LSM4: variants seen among roughly 807,000 people sequenced by gnomAD.
The protein encoded by LSM4 is LSM4 homolog, U6 small nuclear RNA and mRNA degradation associated.
Under a neutral mutation model 22.3 loss-of-function variants are expected in LSM4, and 15 were observed. The observed-to-expected ratio is 0.67, with a 90% CI of 0.45 to 1.03. LSM4 has a LOEUF of 1.03. LSM4 is among the 50% of genes least tolerant of loss of function. The pLI is 0.00. For synonymous variants in LSM4, 90 were observed against 79.8 expected, an observed-to-expected ratio of 1.13 and a Z score of -0.68; for missense variants, 127 against 198.0, an observed-to-expected ratio of 0.64 and a Z score of 2.15.
Position 18,307,546 on chromosome 19 carries a change from C to G in LSM4, c.338G>C (p.Gly113Ala). Residue 113 changes from glycine (G) to alanine (A), a missense_variant, in exon 5 of 5, where the codon GGT (glycine) becomes GCT (alanine). Gly to Ala is a moderately conservative substitution (Grantham distance 60). Transcript: ENST00000593829. ...CGGGATCCCACCTCGGCCCCGGCCA[C>G]CAAACACACCTAGAGGACAGAGAGA... The part of the protein sequence containing the change: ...GMGGAGRGVF[G>A]GRGRGGIPGT... 1 of 1,540,138 alleles carries G rather than the reference C, an allele frequency of 6.5e-7. No individual in the cohort carries two copies. The highest frequency in any genetic ancestry group is 2.5e-5 in the East Asian group (1 of 39,518).
chr19:18,317,170 C>T lies in LSM4; in HGVS notation c.4-1105G>A, dbSNP rs561834370. On this transcript the variant is annotated intron_variant, in intron 1 of 4. Coordinates refer to ENST00000593829, the MANE Select transcript of LSM4 (RefSeq NM_012321.5). ...CAAATAGCTGGGATTATTAGGGGTG[C>T]ACCACCATGCCCAGCTAATTTTTGT... is the stretch of plus-strand genomic sequence containing the variant. 8.6e-5 allele frequency among the ~76,000 whole-genome samples: 13 copies of T among 151,284 alleles called. No individual in the cohort carries two copies. In the East Asian group the frequency reaches 1.2e-3, roughly 14 times the overall value.
intron 1 of LSM4, among the ~76,000 whole-genome samples, chr19:18,320,696 G>A (rs1027125754): frequency 2.6e-5 from 4 of 152,128 alleles, no homozygotes; most frequent in Non-Finnish European, 4.4e-5. Context: ...CTACTTGGGA[G>A]GCTGAGGTAG....
At chr19:18,308,419 A>G (rs1445145470) in intron 4 of LSM4, among the ~76,000 whole-genome samples, 1 of 152,230 alleles carries the variant, frequency 6.6e-6, no homozygotes, top group Admixed American at 6.5e-5. Context: ...GAGCCGTTTC[A>G]GAGAACTTTC....
At chr19:18,317,316 C>G (rs936613880) in intron 1 of LSM4, among the ~76,000 whole-genome samples, 1 of 149,786 alleles carries the variant, frequency 6.7e-6, no homozygotes, top group South Asian at 2.2e-4. Context: ...GCCATCACCC[C>G]CCGCCTGAAC....
At chr19:18,317,880 T>C (rs1970376836) in intron 1 of LSM4, among the ~76,000 whole-genome samples, 1 of 152,200 alleles carries the variant, frequency 6.6e-6, no homozygotes, top group Non-Finnish European at 1.5e-5. Context: ...ATGTCAAATA[T>C]GTAGTATTTC....
chr19:18,322,886 CG>C, intron 1 of LSM4, 131 bp downstream of exon 1: 8 of 1,334,512 alleles, frequency 6.0e-6, no homozygotes, highest in Admixed American at 4.0e-5. Flanking sequence ...AGCCTCGTGC[CG>C]GGGGGCGGGA....
chr19:18,318,306 C>G (rs1473852279), intron 1 of LSM4, among the ~76,000 whole-genome samples: 1 of 152,268 alleles, frequency 6.6e-6, no homozygotes, highest in Non-Finnish European at 1.5e-5. Flanking sequence ...CTACATCCCA[C>G]AGCCCCTTCC....
chr19:18,316,043 G>A lies in LSM4; in HGVS notation c.26C>T (p.Thr9Met), dbSNP rs1354802386. 1.9e-6 allele frequency: 3 copies of A among 1,613,548 alleles called. No homozygotes were observed. Among genetic ancestry groups the A allele is most frequent in the Non-Finnish European group, 8.5e-7 (1 of 1,179,716 alleles). Reference sequence around the variant, plus strand: ...ACTCACCATGGGGTGATTCTGAGCCGTCTTCAGCAGTGACAAGGGAAGCTG... The same window carrying A: ...ACTCACCATGGGGTGATTCTGAGCCATCTTCAGCAGTGACAAGGGAAGCTG... MLPLSLLK[T>M]AQNHPMLVEL... Residue 9 changes from threonine to methionine, a missense_variant, in exon 2 of 5, where the codon ACG (threonine) becomes ATG (methionine). Coordinates refer to ENST00000593829, the MANE Select transcript of LSM4 (RefSeq NM_012321.5).
At chr19:18,310,820 C>T (rs1003398146) in intron 3 of LSM4, among the ~76,000 whole-genome samples, 15 of 152,230 alleles carry the variant, frequency 9.9e-5, no homozygotes, top group African/African-American at 2.7e-4. Context: ...GATCCTGCCC[C>T]GCCCTGGCGG....
chr19:18,307,452 C>A lies in LSM4; in HGVS notation c.*12G>T. 1 of 1,519,030 alleles carries A rather than the reference C, an allele frequency of 6.6e-7. No individual in the cohort carries two copies. The allele number at this position is 1,519,030 out of a possible 1,614,324, so 94.1% of individuals were successfully genotyped here. The stretch of plus-strand genomic sequence containing the variant: ...GGCAGGAGGGGGCGCAGCAGCCGGT[C>A]TGGGTGGGCGCTCACTGTTTGCCCG... On this transcript the variant is annotated 3_prime_UTR_variant, in exon 5 of 5. Coordinates refer to ENST00000593829, the MANE Select transcript of LSM4 (RefSeq NM_012321.5).
In LSM4 at chr19:18,307,453, TG is replaced by T; in HGVS notation, c.*10del. On this transcript the variant is annotated 3_prime_UTR_variant, in exon 5 of 5. Coordinates refer to ENST00000593829, the MANE Select transcript of LSM4 (RefSeq NM_012321.5). ...GCAGGAGGGGGCGCAGCAGCCGGTC[TG>T]GGTGGGCGCTCACTGTTTGCCCGCC... 1 of 1,520,266 alleles carries T rather than the reference TG, an allele frequency of 6.6e-7. No homozygotes were observed. 94.2% of individuals were successfully genotyped at this position (1,520,266 alleles called of 1,614,324 possible). A position where few individuals can be genotyped will look rare whatever the true frequency, so the allele number is the denominator to read the frequency against.
rs1372902193 is a variant in LSM4 at position 18,307,648 on chromosome 19, A to C, written c.329-93T>G. 5 of 889,104 alleles carry C rather than the reference A, an allele frequency of 5.6e-6. No individual in the cohort carries two copies. In the African/African-American group the frequency reaches 8.8e-5, roughly 16 times the overall value. 55.1% of individuals were successfully genotyped at this position (889,104 alleles called of 1,614,324 possible). On this transcript the variant is annotated intron_variant, in intron 4 of 4. Transcript: ENST00000593829. ...CCTGAAACTCTAGGCCAGGTCACCT[A>C]AGTCTCCAGCCTCAGCTTCCTCATG...
At position 18,312,706 on chromosome 19, in the gene LSM4, G is replaced by A. The variant is rs768169491; in HGVS notation, c.46-4C>T. On this transcript the variant is annotated splice_polypyrimidine_tract_variant and splice_region_variant and intron_variant, in intron 2 of 4. Transcript: ENST00000593829. ...CCCCATTTTTCAGCTCCACCAACTA[G>A]AAGAGAGACAGGCTAGAGGTTGGCT... 2.5e-6 allele frequency: 4 copies of A among 1,610,350 alleles called. No individual in the cohort carries two copies. The South Asian group carries it at 4.4e-5, about 18-fold the overall frequency.
chr19:18,306,320 G>A lies in LSM4; in HGVS notation c.*1144C>T, dbSNP rs545010627. On this transcript the variant is annotated 3_prime_UTR_variant, in exon 5 of 5. Coordinates refer to ENST00000593829, the MANE Select transcript of LSM4 (RefSeq NM_012321.5). ...ACCCTGAAGAGAAGGCTATGCAGGG[G>A]GACGGGCCGCTGCCTGGCTCAGGGC... 6.6e-6 allele frequency: 1 copy of A among 152,180 alleles called. No homozygotes were observed. Among genetic ancestry groups the A allele is most frequent in the Non-Finnish European group, 1.5e-5 (1 of 68,038 alleles). 9.4% of individuals were successfully genotyped at this position (152,180 alleles called of 1,614,324 possible).
At chr19:18,314,907 T>C (rs1272943226) in intron 2 of LSM4, among the ~76,000 whole-genome samples, 1 of 151,322 alleles carries the variant, frequency 6.6e-6, no homozygotes, top group Non-Finnish European at 1.5e-5. Context: ...TTTTTTGAGA[T>C]GGAGTCTCGC....
At chr19:18,316,229 A>G in intron 1 of LSM4, 164 bp from the exon 2 acceptor site, 1 of 586,192 alleles carries the variant, frequency 1.7e-6, no homozygotes, top group Middle Eastern at 4.4e-4. Context: ...CACTCTGCCC[A>G]GCCCTGGAAC....
chr19:18,315,987 C>T (rs1034890356), intron 2 of LSM4, 37 bp downstream of exon 2: 1 of 1,607,648 alleles, frequency 6.2e-7, no homozygotes, highest in Non-Finnish European at 8.5e-7. Flanking sequence ...GGCTGGCCCC[C>T]TCTCAAACAG....
chr19:18,307,015 G>A lies in LSM4; in HGVS notation c.*449C>T, dbSNP rs760166589. The stretch of plus-strand genomic sequence containing the variant: ...CGGTTCGAAGGCTTTCAACCGTCCC[G>A]GGTTTGTTTTGAAGGCAATTTTGGG... On this transcript the variant is annotated 3_prime_UTR_variant, in exon 5 of 5. Transcript: ENST00000593829. 10 of 159,930 alleles carry A rather than the reference G, an allele frequency of 6.3e-5. No individual in the cohort carries two copies. The highest frequency in any genetic ancestry group is 1.2e-4 in the Non-Finnish European group (9 of 73,558). The allele number at this position is 159,930 out of a possible 1,614,324, so 9.9% of individuals were successfully genotyped here.
chr19:18,318,619 C>T (rs936288244), intron 1 of LSM4, among the ~76,000 whole-genome samples: 16 of 152,230 alleles, frequency 1.1e-4, no homozygotes, highest in South Asian at 2.1e-4. Context: ...TTCTCTAGTC[C>T]GTAACAGGAA....
Sources: gnomAD v4.1 joint callset for allele counts (sites outside exome capture counted in the v4.1 genomes callset) on GRCh38, gnomAD v4.1.1 for gene constraint, MANE v1.5 for transcripts, NCBI Gene and HGNC (gene_info 2026-07-23, HGNC 2026-07-21) for gene names.